Variants in SORCS2 observed in about 807,000 individuals in gnomAD.
The protein encoded by SORCS2 is VPS10 domain-containing receptor SorCS2.
Under a neutral mutation model 141.6 loss-of-function variants are expected in SORCS2, and 100 were observed. That is an observed-to-expected ratio of 0.71 (90% CI 0.60 to 0.83). The LOEUF is 0.83. SORCS2 is among the 40% of genes least tolerant of loss of function. SORCS2 has a pLI of 0.00. For synonymous variants in SORCS2, 789 were observed against 676.9 expected, an observed-to-expected ratio of 1.17 and a Z score of -2.57; for missense variants, 1,646 against 1,560.2, an observed-to-expected ratio of 1.05 and a Z score of -0.93.
chr4:7,522,385 G>A (rs1225900801), intron 2 of SORCS2, among the ~76,000 whole-genome samples: 2 of 152,344 alleles, frequency 1.3e-5, no homozygotes, highest in African/African-American at 2.4e-5. Flanking sequence ...TTCCAACTGC[G>A]CTTGCCTTCC....
chr4:7,347,617 C>T lies in SORCS2; in HGVS notation c.481-48671C>T, dbSNP rs559120218. Among the ~76,000 whole-genome samples, 204 of 152,292 alleles carry T rather than the reference C, an allele frequency of 1.3e-3. 1 individual carries two copies. The highest frequency in any genetic ancestry group is 2.5e-3 in the Non-Finnish European group (168 of 68,034). On this transcript the variant is annotated intron_variant, in intron 1 of 26. Coordinates refer to ENST00000507866, the MANE Select transcript of SORCS2 (RefSeq NM_020777.3). ...CTCACCTGAGTGGTTCCAAATCCCA[C>T]GCCTATCTCCACTCCTCCCTTCTCC...
chr4:7,503,909 G>A (rs1046460636), intron 2 of SORCS2, among the ~76,000 whole-genome samples: 1 of 152,188 alleles, frequency 6.6e-6, no homozygotes, highest in African/African-American at 2.4e-5. Context: ...GGGGGGCTGA[G>A]GTTTTGGTGC....
intron 1 of SORCS2, among the ~76,000 whole-genome samples, chr4:7,204,487 A>G (rs1727630446): frequency 6.6e-6 from 1 of 152,076 alleles, no homozygotes; most frequent in Admixed American, 6.6e-5. Context: ...AAAAGTGTTG[A>G]GATTGTAGGC....
At chr4:7,735,163 G>A (rs12499617) in intron 25 of SORCS2, among the ~76,000 whole-genome samples, 60,154 of 152,138 alleles carry the variant, frequency 0.4, 12,536 homozygotes, top group South Asian at 0.5. Flanking sequence ...TCCCAGATTT[G>A]GCCCTATTGT....
intron 1 of SORCS2, among the ~76,000 whole-genome samples, chr4:7,339,664 G>T (rs1030204530): frequency 6.6e-6 from 1 of 152,166 alleles, no homozygotes; most frequent in African/African-American, 2.4e-5. Flanking sequence ...ATTTTACCTT[G>T]ATCCCTTCTG....
At chr4:7,457,150 G>A (rs772209176) in intron 2 of SORCS2, among the ~76,000 whole-genome samples, 7 of 152,302 alleles carry the variant, frequency 4.6e-5, no homozygotes, top group South Asian at 2.1e-4. Context: ...AACAGCACAC[G>A]ACAGCCCCCG....
At chr4:7,487,949 G>A (rs577014574) in intron 2 of SORCS2, among the ~76,000 whole-genome samples, 2 of 152,234 alleles carry the variant, frequency 1.3e-5, no homozygotes, top group South Asian at 4.2e-4. Context: ...AAGGAAGCAG[G>A]AATCCGGGGC....
chr4:7,357,316 GA>G (rs1721318479), intron 1 of SORCS2, among the ~76,000 whole-genome samples: 1 of 152,190 alleles, frequency 6.6e-6, no homozygotes, highest in African/African-American at 2.4e-5. Flanking sequence ...AGATCGACAT[GA>G]CCAGTGGTTC....
intron 4 of SORCS2, among the ~76,000 whole-genome samples, chr4:7,640,382 G>T (rs1720636099): frequency 1.4e-5 from 2 of 143,670 alleles, no homozygotes; most frequent in African/African-American, 2.7e-5. Flanking sequence ...ATGTACATGA[G>T]TGTGTGGGTG....
chr4:7,616,592 A>C (rs1237193888), intron 3 of SORCS2, among the ~76,000 whole-genome samples: 2 of 152,154 alleles, frequency 1.3e-5, no homozygotes, highest in Non-Finnish European at 2.9e-5. Flanking sequence ...AGGAGCCCCG[A>C]TCTCTGTGGG....
intron 2 of SORCS2, among the ~76,000 whole-genome samples, chr4:7,419,808 C>G (rs1384203306): frequency 5.9e-5 from 9 of 152,218 alleles, no homozygotes; most frequent in Admixed American, 5.2e-4. Context: ...ATCTAAGAGG[C>G]AGCAAGCTAT....
In SORCS2 at chr4:7,396,273, C is replaced by T. The variant is rs1176222042; in HGVS notation, c.481-15C>T. On this transcript the variant is annotated splice_polypyrimidine_tract_variant and intron_variant, in intron 1 of 26. Transcript: ENST00000507866. ...CCCACTGATTTCTGCCTTTTACTTT[C>T]TGTTAACACCACAGGTGATCTTGAT... is the stretch of plus-strand genomic sequence containing the variant. 1.2e-6 allele frequency: 2 copies of T among 1,613,486 alleles called. No homozygotes were observed. Among genetic ancestry groups the T allele is most frequent in the East Asian group, 4.5e-5 (2 of 44,872 alleles).
chr4:7,453,982 C>T (rs1377107578), intron 2 of SORCS2, among the ~76,000 whole-genome samples: 2 of 102,938 alleles, frequency 1.9e-5, no homozygotes, highest in Non-Finnish European at 3.9e-5. Flanking sequence ...GTGTTGGGGT[C>T]AGGTGCTGTG....
At chr4:7,232,859 G>A (rs921574986) in intron 1 of SORCS2, among the ~76,000 whole-genome samples, 4 of 152,220 alleles carry the variant, frequency 2.6e-5, no homozygotes, top group Non-Finnish European at 5.9e-5. Flanking sequence ...TCTGGGGGCC[G>A]AGCATGGTCT....
At chr4:7,358,042 G>A (rs563179548) in intron 1 of SORCS2, among the ~76,000 whole-genome samples, 8 of 152,324 alleles carry the variant, frequency 5.3e-5, no homozygotes, top group East Asian at 1.9e-4. Flanking sequence ...AGAGGAGTGC[G>A]CTGGCTCAAG....
At chr4:7,716,530 T>A (rs546445839) in intron 17 of SORCS2, among the ~76,000 whole-genome samples, 2 of 142,702 alleles carry the variant, frequency 1.4e-5, no homozygotes, top group Admixed American at 1.4e-4. Flanking sequence ...CCATCCACCA[T>A]CCATCTATTC....
intron 10 of SORCS2, among the ~76,000 whole-genome samples, chr4:7,686,913 G>A (rs766627057): frequency 5.9e-5 from 9 of 152,198 alleles, no homozygotes; most frequent in South Asian, 4.1e-4. Context: ...CCTGCAGGCC[G>A]TAACTGGCCA....
chr4:7,363,012 TCATCAC>T (rs1359198988), intron 1 of SORCS2, among the ~76,000 whole-genome samples: 1 of 148,470 alleles, frequency 6.7e-6, no homozygotes, highest in African/African-American at 2.6e-5. Flanking sequence ...ACTGCTATCA[TCATCAC>T]CATCACCATA....
chr4:7,198,804 G>T (rs1727320797), intron 1 of SORCS2, among the ~76,000 whole-genome samples: 2 of 152,178 alleles, frequency 1.3e-5, no homozygotes, highest in Admixed American at 1.3e-4. Context: ...ACTCTGTGTG[G>T]AGAGAGGCGG....
Sources: gnomAD v4.1 joint callset for allele counts (sites outside exome capture counted in the v4.1 genomes callset) on GRCh38, gnomAD v4.1.1 for gene constraint, MANE v1.5 for transcripts, NCBI Gene and HGNC (gene_info 2026-07-23, HGNC 2026-07-21) for gene names.